Variants in PEX16 observed in about 807,000 individuals in gnomAD.
PEX16 encodes peroxin 16.
Under a neutral mutation model 50.5 loss-of-function variants are expected in PEX16, and 37 were observed. That is an observed-to-expected ratio of 0.73 (90% CI 0.56 to 0.96). The LOEUF is 0.96. Ranked by LOEUF, PEX16 falls within the 40% of genes least tolerant of loss-of-function variation. The probability of loss-of-function intolerance (pLI) is 0.00; values close to 1 mark genes in which losing one functional copy is unlikely to be tolerated. For missense variants in PEX16, 401 were observed against 438.3 expected (o/e 0.91, Z 0.76); for synonymous variants, 185 against 190.3 (o/e 0.97, Z 0.23).
At chr11:45,914,263 A>C (rs1372598545) in intron 7 of PEX16, 53 bp downstream of exon 7, 1 of 1,613,162 alleles carries the variant, frequency 6.2e-7, no homozygotes, top group East Asian at 2.2e-5. Context: ...CACACTCCCC[A>C]CTCAATCCCC....
At chr11:45,910,378 G>A in intron 10 of PEX16, 66 bp from the exon 11 acceptor site, 2 of 1,338,322 alleles carry the variant, frequency 1.5e-6, no homozygotes, top group East Asian at 2.3e-5. Context: ...GCCACATACA[G>A]CACCTCACCC....
At chr11:45,915,103 C>A (rs893338419) in intron 5 of PEX16, among the ~76,000 whole-genome samples, 1 of 152,242 alleles carries the variant, frequency 6.6e-6, no homozygotes, top group Admixed American at 6.5e-5. Flanking sequence ...CAGAAGCTGA[C>A]GGGATGGGCC....
In PEX16 at chr11:45,909,753, G is replaced by A. The variant is rs916540606; in HGVS notation, c.*501C>T. 2.4e-6 allele frequency: 1 copy of A among 413,878 alleles called. No homozygotes were observed. The highest frequency in any genetic ancestry group is 2.8e-5 in the South Asian group (1 of 35,436). 25.6% of individuals were successfully genotyped at this position (413,878 alleles called of 1,614,324 possible). A position where few individuals can be genotyped will look rare whatever the true frequency, so the allele number is the denominator to read the frequency against. On this transcript the variant is annotated 3_prime_UTR_variant, in exon 11 of 11. Coordinates refer to ENST00000378750, the MANE Select transcript of PEX16 (RefSeq NM_004813.4). ...TGGGAGCCAGGCTCACTGTTCACCA[G>A]GCTCTGTCACAGGGAGGCTGGCAAC...
rs267608185 is a variant in PEX16 at position 45,910,896 on chromosome 11, A to G, written c.952+2T>C. On this transcript the variant is annotated splice_donor_variant, in intron 10 of 10. Coordinates refer to ENST00000378750, the MANE Select transcript of PEX16 (RefSeq NM_004813.4). LOFTEE classifies it high-confidence loss of function. ...AGTCATCGCGTCCCCATCCCTGCTT[A>G]CTTGTGACCAGGCCAACGCCAGGGA... 15 of 1,613,372 alleles carry G rather than the reference A, an allele frequency of 9.3e-6. No homozygotes were observed. The highest frequency in any genetic ancestry group is 2.2e-5 in the East Asian group (1 of 44,882).
At chr11:45,915,955 C>T in intron 3 of PEX16, 119 bp from the exon 4 acceptor site, 1 of 1,041,516 alleles carries the variant, frequency 9.6e-7, no homozygotes, top group South Asian at 1.3e-5. Context: ...CCAAGCCTAA[C>T]TGTGCAGGTG....
rs766247986 is a variant in PEX16 at position 45,910,177 on chromosome 11, G to T, written c.*77C>A. The T allele has an allele frequency of 6.2e-7, 1 of 1,612,154 alleles. No homozygotes were observed. The highest frequency in any genetic ancestry group is 1.7e-5 in the Admixed American group (1 of 60,014). On this transcript the variant is annotated 3_prime_UTR_variant, in exon 11 of 11. Coordinates refer to ENST00000378750, the MANE Select transcript of PEX16 (RefSeq NM_004813.4). ...GCACGGAGAGGCCGCACGCTGGGAC[G>T]CTGCCGGAGTCAGTTTTATTAGGGA...
chr11:45,910,061 G>A lies in PEX16; in HGVS notation c.*193C>T. 1.3e-6 allele frequency: 2 copies of A among 1,581,854 alleles called. No individual in the cohort carries two copies. Among genetic ancestry groups the A allele is most frequent in the Non-Finnish European group, 1.7e-6 (2 of 1,153,876 alleles). On this transcript the variant is annotated 3_prime_UTR_variant, in exon 11 of 11. Coordinates refer to ENST00000378750, the MANE Select transcript of PEX16 (RefSeq NM_004813.4). ...GCCCAGCAGTGACAAGGTGCGGGCT[G>A]CAGTGGCATCGTCACAGGAGAGCGC...
intron 5 of PEX16, 108 bp from the exon 6 acceptor site, chr11:45,914,792 G>A: frequency 2.1e-6 from 2 of 945,812 alleles, no homozygotes; most frequent in Middle Eastern, 4.2e-4. Context: ...GAACAGATGA[G>A]CTTGTACTAT....
chr11:45,912,223 G>A (rs1183621342), intron 9 of PEX16, among the ~76,000 whole-genome samples: 1 of 152,102 alleles, frequency 6.6e-6, no homozygotes, highest in East Asian at 1.9e-4. Context: ...GTCAGGCCAG[G>A]CGCGGTGGCT....
intron 9 of PEX16, among the ~76,000 whole-genome samples, chr11:45,913,565 C>G (rs533236035): frequency 6.6e-6 from 1 of 152,392 alleles, no homozygotes; most frequent in South Asian, 2.1e-4. Flanking sequence ...TGTGGGCCAC[C>G]TGGCAATGCC....
In PEX16 at chr11:45,909,972, G is replaced by T; in HGVS notation, c.*282C>A. The T allele has an allele frequency of 1.1e-6, 1 of 931,214 alleles. No homozygotes were observed. The highest frequency in any genetic ancestry group is 1.7e-6 in the Non-Finnish European group (1 of 578,176). 57.7% of individuals were successfully genotyped at this position (931,214 alleles called of 1,614,324 possible). A position where few individuals can be genotyped will look rare whatever the true frequency, so the allele number is the denominator to read the frequency against. ...AGGCGAGCAGCTTCCCGGGCTCCAT[G>T]AGGTGAAGTCACCGCTTTCTGTGGG... On this transcript the variant is annotated 3_prime_UTR_variant, in exon 11 of 11. Transcript: ENST00000378750.
chr11:45,915,560 AGTAC>A lies in PEX16; in HGVS notation c.364_367del (p.Val122CysfsTer84). On this transcript the variant is annotated frameshift_variant, in exon 5 of 11. Transcript: ENST00000378750. LOFTEE classifies it high-confidence loss of function. ...GAACCAGAGCAGCAGGAGCATCCGCAGTACAGCCCTGGGTCGGGGAGTATGTCAG... is the reference window on the plus strand; with the variant it reads ...GAACCAGAGCAGCAGGAGCATCCGCAAGCCCTGGGTCGGGGAGTATGTCAG... 1.2e-6 allele frequency: 2 copies of A among 1,614,168 alleles called. No individual in the cohort carries two copies. Among genetic ancestry groups the A allele is most frequent in the Non-Finnish European group, 1.7e-6 (2 of 1,180,016 alleles).
rs775047767 is a variant in PEX16 at position 45,915,689 on chromosome 11, CA to C, written c.359+13del. 4.0e-4 allele frequency: 648 copies of C among 1,614,094 alleles called. 1 individual carries two copies. Among genetic ancestry groups the C allele is most frequent in the East Asian group, 2.3e-3 (101 of 44,856 alleles). ...TCACCCCCACCCAGGACCCTCTCCA[CA>C]ATCCCAACCTACTTGGCCAGCTGGA... On this transcript the variant is annotated intron_variant, in intron 4 of 10. Transcript: ENST00000378750.
intron 10 of PEX16, 126 bp from the exon 11 acceptor site, chr11:45,910,438 G>C (rs2086764830): frequency 1.3e-6 from 1 of 785,624 alleles, no homozygotes; most frequent in Non-Finnish European, 2.2e-6. Context: ...GCCCCCAGGA[G>C]GCAGCACTGC....
chr11:45,917,321 T>A lies in PEX16; in HGVS notation c.148+137A>T, dbSNP rs12417410. On this transcript the variant is annotated intron_variant, in intron 2 of 10. Coordinates refer to ENST00000378750, the MANE Select transcript of PEX16 (RefSeq NM_004813.4). ...GGCCCAGGACAATGAACAACAGACC[T>A]TGTGCCGATTCAGTCATAGCACAAG... 0.061 allele frequency: 47,196 copies of A among 771,844 alleles called. 1,844 individuals are homozygous for A. Among genetic ancestry groups the A allele is most frequent in the Non-Finnish European group, 0.074 (32,809 of 441,930 alleles). The allele number at this position is 771,844 out of a possible 1,614,324, so 47.8% of individuals were successfully genotyped here.
At chr11:45,917,933 G>A (rs2086858013), upstream of PEX16, 1 of 752,346 alleles carries the variant, frequency 1.3e-6, no homozygotes. Flanking sequence ...AACTTCCGCG[G>A]GCCAGAAGGC....
Position 45,914,744 on chromosome 11 carries a change from A to G in PEX16, c.461-60T>C. On this transcript the variant is annotated intron_variant, in intron 5 of 10. Coordinates refer to ENST00000378750, the MANE Select transcript of PEX16 (RefSeq NM_004813.4). ...GGGACATGCTTCCAGCGGAGCCTGC[A>G]AAGAACGTGTGCAGTGAATGCTCAG... 5 of 1,403,906 alleles carry G rather than the reference A, an allele frequency of 3.6e-6. No individual in the cohort carries two copies. The South Asian group carries it at 4.6e-5, about 13-fold the overall frequency. 87.0% of individuals were successfully genotyped at this position (1,403,906 alleles called of 1,614,324 possible).
At chr11:45,916,149 C>A in intron 3 of PEX16, 78 bp downstream of exon 3, 1 of 1,040,526 alleles carries the variant, frequency 9.6e-7, no homozygotes, top group Non-Finnish European at 1.5e-6. Flanking sequence ...GAGACATGTG[C>A]TGCACGCATG....
chr11:45,915,511 G>C lies in PEX16; in HGVS notation c.417C>G (p.Pro139=). The C allele has an allele frequency of 1.2e-6, 2 of 1,614,186 alleles. No homozygotes were observed. The highest frequency in any genetic ancestry group is 1.7e-6 in the Non-Finnish European group (2 of 1,180,032). Residue 139 remains proline, a synonymous_variant, in exon 5 of 11, where the codon CCC becomes CCG. Transcript: ENST00000378750. ...TCTCTCTGTCCAGTGGAACGATAGG[G>C]GGTGAAGTCTGGAGGCCAGCCTTGA... The part of the protein sequence containing the change: ...LWFKAGLQTS[P]PIVPLDRETQ...
Sources: allele counts gnomAD v4.1 joint callset (sites outside exome capture counted in the v4.1 genomes callset), GRCh38; gene constraint gnomAD v4.1.1; transcripts MANE v1.5; gene names NCBI Gene and HGNC (gene_info 2026-07-23, HGNC 2026-07-21).